The following TXNL4A variants were observed in gnomAD, a reference collection of about 807,000 sequenced individuals.
TXNL4A encodes thioredoxin-like protein 4A.
Under a neutral mutation model 14.6 loss-of-function variants are expected in TXNL4A, and 17 were observed. That is an observed-to-expected ratio of 1.16 (90% CI 0.80 to 1.74). TXNL4A has a LOEUF of 1.74. TXNL4A is among the 40% of genes most tolerant of loss of function. TXNL4A has a pLI of 0.00. For synonymous variants in TXNL4A, 83 were observed against 70.6 expected (o/e 1.18, Z -0.88); for missense variants, 74 against 195.2 (o/e 0.38, Z 3.70).
chr18:79,979,949 T>C (rs1429207487), intron 1 of TXNL4A, among the ~76,000 whole-genome samples: 1 of 152,196 alleles, frequency 6.6e-6, no homozygotes, highest in Non-Finnish European at 1.5e-5. Context: ...CCCAAAACAG[T>C]TGAAGTCCTA....
chr18:79,994,650 G>A (rs1044625298), intron 1 of TXNL4A, among the ~76,000 whole-genome samples: 5 of 151,062 alleles, frequency 3.3e-5, no homozygotes, highest in African/African-American at 1.2e-4. Context: ...TCCTCCCAGG[G>A]GAAAGATCAC....
intron 1 of TXNL4A, among the ~76,000 whole-genome samples, chr18:80,007,085 G>A (rs1208795274): frequency 6.6e-6 from 1 of 152,088 alleles, no homozygotes; most frequent in African/African-American, 2.4e-5. Context: ...TGGCTTATCT[G>A]TGTCTGCAGC....
chr18:79,988,624 T>G, upstream of TXNL4A: 3 of 367,666 alleles, frequency 8.2e-6, no homozygotes, highest in Non-Finnish European at 1.4e-5. Context: ...GCGCCGTGCG[T>G]GCTGACGGCA....
intron 1 of TXNL4A, among the ~76,000 whole-genome samples, chr18:79,986,955 G>A (rs2051559401): frequency 6.6e-6 from 1 of 152,180 alleles, no homozygotes; most frequent in East Asian, 1.9e-4. Context: ...AGAACCCCCA[G>A]CGTGTGAGAG....
chr18:80,023,902 TAG>T (rs2051866596), intron 1 of TXNL4A, among the ~76,000 whole-genome samples: 1 of 152,240 alleles, frequency 6.6e-6, no homozygotes, highest in Non-Finnish European at 1.5e-5. Flanking sequence ...AAGAAAAGCA[TAG>T]GCCTGTCTCC....
intron 1 of TXNL4A, among the ~76,000 whole-genome samples, chr18:80,029,248 T>C (rs559177527): frequency 3.3e-4 from 51 of 152,340 alleles, no homozygotes; most frequent in African/African-American, 1.2e-3. Flanking sequence ...ACAATATTAC[T>C]GGAAACCATC....
chr18:79,992,136 G>A (rs1460342176), upstream of TXNL4A, among the ~76,000 whole-genome samples: 1 of 152,250 alleles, frequency 6.6e-6, no homozygotes, highest in African/African-American at 2.4e-5. Context: ...TCAGTGAGCA[G>A]AGGGATGACT....
intron 1 of TXNL4A, 27 bp downstream of exon 1, chr18:79,988,213 G>C (rs750055522): frequency 6.7e-7 from 1 of 1,489,606 alleles, no homozygotes; most frequent in Non-Finnish European, 9.1e-7. Context: ...AGCACAGCCC[G>C]CAGAGCGGGA....
At chr18:79,978,887 A>C (rs1368232418) in intron 1 of TXNL4A, among the ~76,000 whole-genome samples, 1 of 151,530 alleles carries the variant, frequency 6.6e-6, no homozygotes, top group African/African-American at 2.4e-5. Context: ...ATATGGTCAT[A>C]TTGTGATCGT....
chr18:79,984,300 T>A (rs972242370), intron 1 of TXNL4A, among the ~76,000 whole-genome samples: 1 of 152,168 alleles, frequency 6.6e-6, no homozygotes, highest in Non-Finnish European at 1.5e-5. Flanking sequence ...TTTATTAGAA[T>A]GTACTATCAT....
upstream of TXNL4A, among the ~76,000 whole-genome samples, chr18:79,991,532 A>G (rs546447650): frequency 6.6e-6 from 1 of 152,304 alleles, no homozygotes; most frequent in Non-Finnish European, 1.5e-5. Flanking sequence ...GATATACTAC[A>G]TTTTATCCAT....
upstream of TXNL4A, among the ~76,000 whole-genome samples, chr18:79,990,089 G>A (rs993716711): frequency 6.6e-6 from 1 of 152,204 alleles, no homozygotes; most frequent in African/African-American, 2.4e-5. Context: ...CTGCTGGCAT[G>A]GGGATTGAAA....
At chr18:80,020,597 CAT>C (rs1311020881) in intron 1 of TXNL4A, among the ~76,000 whole-genome samples, 1 of 152,156 alleles carries the variant, frequency 6.6e-6, no homozygotes, top group East Asian at 1.9e-4. Flanking sequence ...CTTTTTGAGA[CAT>C]AAAGATTAAA....
At chr18:80,027,866 A>G (rs1234090661) in intron 1 of TXNL4A, among the ~76,000 whole-genome samples, 1 of 152,220 alleles carries the variant, frequency 6.6e-6, no homozygotes, top group African/African-American at 2.4e-5. Context: ...GAGGAATTTT[A>G]GCTTTCCCAA....
At chr18:79,997,844 C>T (rs1309244075) in intron 1 of TXNL4A, among the ~76,000 whole-genome samples, 2 of 152,192 alleles carry the variant, frequency 1.3e-5, no homozygotes, top group Non-Finnish European at 1.5e-5. Context: ...CAAACTTCAG[C>T]GATGCTTGCT....
chr18:79,996,470 C>T (rs1047979063), intron 1 of TXNL4A, among the ~76,000 whole-genome samples: 38 of 152,292 alleles, frequency 2.5e-4, no homozygotes, highest in African/African-American at 5.1e-4. Context: ...TCAGATGCCC[C>T]GCCATGGGCT....
chr18:79,985,939 A>C (rs1404396441), intron 1 of TXNL4A: 1 of 152,182 alleles, frequency 6.6e-6, no homozygotes, highest in Non-Finnish European at 1.5e-5. Flanking sequence ...ATTTCTGTTG[A>C]GCTTCTCCAA....
chr18:79,976,684 G>A (rs1040523709), intron 2 of TXNL4A: 5 of 429,238 alleles, frequency 1.2e-5, no homozygotes, highest in African/African-American at 2.1e-5. Flanking sequence ...CAAAACTAAC[G>A]CATACCCTAT....
intron 1 of TXNL4A, among the ~76,000 whole-genome samples, chr18:80,031,765 T>G (rs1459112970): frequency 1.3e-5 from 2 of 152,208 alleles, no homozygotes; most frequent in Non-Finnish European, 2.9e-5. Flanking sequence ...AACTGAATGT[T>G]GTGTGTATAT....
Sources: allele counts gnomAD v4.1 joint callset (sites outside exome capture counted in the v4.1 genomes callset), GRCh38; gene constraint gnomAD v4.1.1; transcripts MANE v1.5; gene names NCBI Gene and HGNC (gene_info 2026-07-23, HGNC 2026-07-21).